Variants in ST6GAL1 observed in about 807,000 individuals in gnomAD.
ST6GAL1 encodes the protein beta-galactoside alpha-2,6-sialyltransferase 1.
Under a neutral mutation model 38.0 loss-of-function variants are expected in ST6GAL1, and 20 were observed. The observed-to-expected ratio is 0.53, with a 90% CI of 0.37 to 0.77. ST6GAL1 has a LOEUF of 0.77. ST6GAL1 is among the 30% of genes least tolerant of loss of function. The probability of loss-of-function intolerance (pLI) is 0.00; values close to 1 mark genes in which losing one functional copy is unlikely to be tolerated. For missense variants in ST6GAL1, 432 were observed against 496.4 expected, an observed-to-expected ratio of 0.87 and a Z score of 1.23; for synonymous variants, 196 against 188.2, an observed-to-expected ratio of 1.04 and a Z score of -0.34.
chr3:186,964,928 A>G (rs1715055737), intron 2 of ST6GAL1, among the ~76,000 whole-genome samples: 1 of 152,204 alleles, frequency 6.6e-6, no homozygotes, highest in Non-Finnish European at 1.5e-5. Flanking sequence ...GCGTGAATAA[A>G]TGAAAGTGAG....
intron 5 of ST6GAL1, among the ~76,000 whole-genome samples, chr3:187,065,992 C>G (rs1289591498): frequency 6.6e-6 from 1 of 152,042 alleles, no homozygotes; most frequent in Non-Finnish European, 1.5e-5. Context: ...TGTTTGCCAC[C>G]AGCACTTTAA....
intron 2 of ST6GAL1, among the ~76,000 whole-genome samples, chr3:187,020,973 GT>G (rs376349983): frequency 9.8e-4 from 135 of 137,130 alleles, no homozygotes; most frequent in African/African-American, 3.4e-3. Flanking sequence ...TTTTTTTTTT[GT>G]TTTTTTTTGA....
intron 5 of ST6GAL1, among the ~76,000 whole-genome samples, chr3:187,065,012 T>C (rs983469882): frequency 2.0e-5 from 3 of 151,736 alleles, no homozygotes; most frequent in Non-Finnish European, 4.4e-5. Context: ...TTTCTTTTTT[T>C]TTTTTTTTGA....
At chr3:187,053,031 C>G (rs1718569565) in intron 5 of ST6GAL1, among the ~76,000 whole-genome samples, 1 of 152,234 alleles carries the variant, frequency 6.6e-6, no homozygotes, top group African/African-American at 2.4e-5. Flanking sequence ...TTTTGATTTG[C>G]ATTTCTCTGA....
intron 2 of ST6GAL1, among the ~76,000 whole-genome samples, chr3:187,026,238 G>A (rs1468755141): frequency 6.6e-6 from 1 of 152,194 alleles, no homozygotes; most frequent in Non-Finnish European, 1.5e-5. Flanking sequence ...AATGATTAAT[G>A]TTTTGACCCA....
intron 1 of ST6GAL1, among the ~76,000 whole-genome samples, chr3:186,937,576 CAAAT>C (rs1392711241): frequency 6.6e-6 from 1 of 152,130 alleles, no homozygotes; most frequent in Non-Finnish European, 1.5e-5. Context: ...AAACCAAAGA[CAAAT>C]AAGAAGAGCT....
At position 187,075,615 on chromosome 3, in the gene ST6GAL1, C is replaced by T; in HGVS notation, c.1033C>T (p.Pro345Ser). Residue 345 changes from proline (P) to serine (S), a missense_variant, in exon 8 of 8, where the codon CCA becomes TCA. Physicochemically the swap from Pro to Ser is moderately conservative, Grantham distance 74. Transcript: ENST00000169298. This position sits in a 1 kb window ranked among gnomAD's most constrained non-coding sequence, Gnocchi z 4.1. ...CDQVDIYEFL[P>S]SKRKTDVCYY... is the part of the protein sequence containing the mutation. ...CCAGGTGGATATTTATGAGTTCCTC[C>T]CATCCAAGCGCAAGACTGACGTGTG... 1 of 1,614,120 alleles carries T rather than the reference C, an allele frequency of 6.2e-7. No individual in the cohort carries two copies. The highest frequency in any genetic ancestry group is 8.5e-7 in the Non-Finnish European group (1 of 1,180,014).
intron 5 of ST6GAL1, among the ~76,000 whole-genome samples, chr3:187,066,613 T>C (rs1014884295): frequency 6.6e-6 from 1 of 151,702 alleles, no homozygotes; most frequent in African/African-American, 2.4e-5. Context: ...TGTGTGTGTG[T>C]GTGTGTGTGT....
At chr3:186,945,654 A>G (rs1318332237) in intron 1 of ST6GAL1, among the ~76,000 whole-genome samples, 1 of 152,138 alleles carries the variant, frequency 6.6e-6, no homozygotes, top group Admixed American at 6.5e-5. Flanking sequence ...GGGTTAGGGG[A>G]GACGTGAGGA....
chr3:187,000,469 G>A (rs935355140), intron 2 of ST6GAL1, among the ~76,000 whole-genome samples: 4 of 152,112 alleles, frequency 2.6e-5, no homozygotes, highest in Non-Finnish European at 4.4e-5. Flanking sequence ...GGCTGAGGCA[G>A]GAGAATCGCT....
At chr3:187,040,980 G>A (rs1273504560) in intron 3 of ST6GAL1, among the ~76,000 whole-genome samples, 1 of 152,196 alleles carries the variant, frequency 6.6e-6, no homozygotes, top group Non-Finnish European at 1.5e-5. Context: ...GGAAGAGCCT[G>A]GAGCTCAGGG....
intron 1 of ST6GAL1, among the ~76,000 whole-genome samples, chr3:186,959,661 G>C (rs1175893268): frequency 6.6e-6 from 1 of 152,216 alleles, no homozygotes; most frequent in Non-Finnish European, 1.5e-5. Flanking sequence ...GAGGGGGACA[G>C]AAATAATCCG....
intron 2 of ST6GAL1, among the ~76,000 whole-genome samples, chr3:187,032,902 T>A (rs1717801807): frequency 6.6e-6 from 1 of 152,152 alleles, no homozygotes; most frequent in South Asian, 2.1e-4. Context: ...CCAACCTGAA[T>A]TCCTAGCCTT....
At chr3:187,062,075 C>T (rs908965170) in intron 5 of ST6GAL1, among the ~76,000 whole-genome samples, 1 of 152,104 alleles carries the variant, frequency 6.6e-6, no homozygotes, top group Non-Finnish European at 1.5e-5. Flanking sequence ...CTTGAATGGA[C>T]GTTTCTCCAA....
chr3:187,007,512 A>G (rs138514882), intron 2 of ST6GAL1, among the ~76,000 whole-genome samples: 8 of 152,362 alleles, frequency 5.3e-5, no homozygotes, highest in Non-Finnish European at 8.8e-5. Context: ...ATAAAAAGTG[A>G]GACAGTACTT....
intron 5 of ST6GAL1, among the ~76,000 whole-genome samples, chr3:187,057,600 G>T (rs952808559): frequency 1.3e-5 from 2 of 152,152 alleles, no homozygotes; most frequent in African/African-American, 4.8e-5. Flanking sequence ...GACCCTGTTT[G>T]CCTGGGTATC....
At chr3:187,033,942 A>G (rs1473914803) in intron 2 of ST6GAL1, among the ~76,000 whole-genome samples, 1 of 152,226 alleles carries the variant, frequency 6.6e-6, no homozygotes, top group Non-Finnish European at 1.5e-5. Flanking sequence ...AGACTCAAAA[A>G]TCCATACAAA....
At chr3:186,973,116 A>G (rs1277396041) in intron 2 of ST6GAL1, among the ~76,000 whole-genome samples, 1 of 151,792 alleles carries the variant, frequency 6.6e-6, no homozygotes, top group African/African-American at 2.4e-5. Context: ...GCTCACTGCA[A>G]CCTCCGCCTC....
intron 2 of ST6GAL1, among the ~76,000 whole-genome samples, chr3:186,979,810 A>T (rs1715634506): frequency 6.6e-6 from 1 of 152,104 alleles, no homozygotes; most frequent in South Asian, 2.1e-4. Flanking sequence ...GTCAGGTATG[A>T]GTTTAAATCC....
Sources: allele counts gnomAD v4.1 joint callset (sites outside exome capture counted in the v4.1 genomes callset), GRCh38; gene constraint gnomAD v4.1.1; non-coding constraint Gnocchi (gnomAD v3.1); transcripts MANE v1.5; gene names NCBI Gene and HGNC (gene_info 2026-07-23, HGNC 2026-07-21).